The following BBS9 variants were observed in gnomAD, a reference collection of about 807,000 sequenced individuals.
BBS9 encodes protein PTHB1.
BBS9 carries 89 observed loss-of-function variants against 117.7 expected under a neutral mutation model. The observed-to-expected ratio is 0.76, with a 90% CI of 0.64 to 0.90. The LOEUF is 0.90. BBS9 is among the 40% of genes least tolerant of loss of function. The probability of loss-of-function intolerance (pLI) is 0.00; values close to 1 mark genes in which losing one functional copy is unlikely to be tolerated. For missense variants in BBS9, 982 were observed against 1,042.2 expected (o/e 0.94, Z 0.80); for synonymous variants, 379 against 370.9 (o/e 1.02, Z -0.25).
intron 5 of BBS9, among the ~76,000 whole-genome samples, chr7:33,232,284 G>A (rs918176869): frequency 1.3e-5 from 2 of 151,694 alleles, no homozygotes; most frequent in South Asian, 2.1e-4. Flanking sequence ...AAATTATACA[G>A]GTAATCTATT....
chr7:33,547,532 T>A (rs1032723363), intron 21 of BBS9, among the ~76,000 whole-genome samples: 61 of 152,100 alleles, frequency 4.0e-4, no homozygotes, highest in Non-Finnish European at 6.5e-4. Flanking sequence ...ACATGAAAAA[T>A]TTTTTTTAAA....
Position 33,405,461 on chromosome 7 carries a change from A to C in BBS9, c.2115+17317A>C, listed in dbSNP as rs564684384. On this transcript the variant is annotated intron_variant, in intron 19 of 22. Coordinates refer to ENST00000242067, the MANE Select transcript of BBS9 (RefSeq NM_198428.3). The stretch of plus-strand genomic sequence containing the variant: ...TACCTCTGGTAGAATTCGGCTGTGA[A>C]TCCATCTGGTCGTGGACTCTTTTTG... 2.0e-3 allele frequency among the ~76,000 whole-genome samples: 306 copies of C among 152,180 alleles called. 6 individuals carry two copies. In the South Asian group the frequency reaches 0.038, roughly 19 times the overall value.
intron 21 of BBS9, among the ~76,000 whole-genome samples, chr7:33,536,529 G>A (rs1851394573): frequency 6.6e-6 from 1 of 152,046 alleles, no homozygotes; most frequent in Admixed American, 6.5e-5. Flanking sequence ...GAAATCTCTT[G>A]CCTTGGGGTT....
At chr7:33,471,550 A>T (rs180773458) in intron 19 of BBS9, among the ~76,000 whole-genome samples, 2 of 152,164 alleles carry the variant, frequency 1.3e-5, no homozygotes, top group African/African-American at 4.8e-5. Flanking sequence ...GAAATGCAGA[A>T]ACTAAGATCT....
chr7:33,592,699 C>A (rs900696463), intron 21 of BBS9, among the ~76,000 whole-genome samples: 8 of 152,058 alleles, frequency 5.3e-5, no homozygotes, highest in African/African-American at 1.9e-4. Context: ...ACCACCTAGA[C>A]TCTGTCATTA....
rs1168536842 is a variant in BBS9 at position 33,627,195 on chromosome 7, A to T, written c.2522-7982A>T. ...CCATTCCAGCCCCAGCTGTGGCTAA[A>T]AGGGTCCCAGATACATCTAGGCTGC... On this transcript the variant is annotated intron_variant, in intron 21 of 21. Transcript: ENST00000671952. Among the ~76,000 whole-genome samples the T allele has an allele frequency of 2.0e-5, 3 of 152,206 alleles. No homozygotes were observed. In the South Asian group the frequency reaches 6.2e-4, roughly 31 times the overall value.
chr7:33,521,360 T>A (rs919763730), intron 20 of BBS9, among the ~76,000 whole-genome samples: 4 of 152,218 alleles, frequency 2.6e-5, no homozygotes, highest in Non-Finnish European at 5.9e-5. Flanking sequence ...TTTTAGATTT[T>A]CATCCAATAG....
chr7:33,320,316 C>A (rs992296389), intron 9 of BBS9, among the ~76,000 whole-genome samples: 1 of 152,122 alleles, frequency 6.6e-6, no homozygotes, highest in Non-Finnish European at 1.5e-5. Context: ...ATTTTTAGCA[C>A]CCACAAATAA....
At chr7:33,370,093 T>A (rs1056193077) in intron 17 of BBS9, among the ~76,000 whole-genome samples, 2 of 152,130 alleles carry the variant, frequency 1.3e-5, no homozygotes, top group African/African-American at 4.8e-5. Flanking sequence ...AAGAGAAAAG[T>A]AAGGTGTAGC....
intron 19 of BBS9, among the ~76,000 whole-genome samples, chr7:33,479,454 A>G (rs190949759): frequency 2.6e-5 from 4 of 152,214 alleles, no homozygotes; most frequent in Non-Finnish European, 4.4e-5. Context: ...TTGTTTTTTT[A>G]TGGCTGCATA....
At chr7:33,192,999 G>C (rs989334756) in intron 5 of BBS9, among the ~76,000 whole-genome samples, 2 of 152,170 alleles carry the variant, frequency 1.3e-5, no homozygotes, top group Non-Finnish European at 2.9e-5. Context: ...ATGACGTTCA[G>C]ACCATAGCAA....
intron 18 of BBS9, among the ~76,000 whole-genome samples, chr7:33,384,713 TGTGAGAGAGAGA>T (rs1490570652): frequency 7.3e-6 from 1 of 136,306 alleles, no homozygotes; most frequent in East Asian, 1.9e-4. Context: ...TGTGTGTGTG[TGTGAGAGAGAGA>T]GAGAGAGAGA....
intron 9 of BBS9, among the ~76,000 whole-genome samples, chr7:33,317,847 C>A (rs989115794): frequency 6.6e-6 from 1 of 152,148 alleles, no homozygotes; most frequent in Non-Finnish European, 1.5e-5. Flanking sequence ...AAGCTAGGAA[C>A]TTAAGACCAG....
rs10716942 is a variant in BBS9 at position 33,478,875 on chromosome 7, G to GTT, written c.2116-26570_2116-26569dup. Among the ~76,000 whole-genome samples the GTT allele has an allele frequency of 5.4e-5, 7 of 130,160 alleles. 1 individual carries two copies. The highest frequency in any genetic ancestry group is 8.4e-5 in the African/African-American group (3 of 35,524). 85.4% of individuals were successfully genotyped at this position (130,160 alleles called of 152,430 possible). ...GGAGAAGTAAATATGATGTTAGTGGGTTTTTTTTTTTTTTTTTTTAGCAAT... is the reference window on the plus strand; with the variant it reads ...GGAGAAGTAAATATGATGTTAGTGGGTTTTTTTTTTTTTTTTTTTTTAGCAAT... On this transcript the variant is annotated intron_variant, in intron 19 of 22. Transcript: ENST00000242067.
At chr7:33,261,333 C>T (rs1291050032) in intron 6 of BBS9, among the ~76,000 whole-genome samples, 3 of 152,090 alleles carry the variant, frequency 2.0e-5, no homozygotes, top group South Asian at 4.1e-4. Flanking sequence ...ATTCTGTATC[C>T]CCTGAAGTGC....
chr7:33,137,380 A>G (rs941266327), intron 1 of BBS9, among the ~76,000 whole-genome samples: 2 of 152,084 alleles, frequency 1.3e-5, no homozygotes, highest in African/African-American at 4.8e-5. Context: ...GTAGCTGCAG[A>G]TGTGCCCAGG....
At chr7:33,535,937 C>G (rs562823243) in intron 21 of BBS9, among the ~76,000 whole-genome samples, 2 of 152,094 alleles carry the variant, frequency 1.3e-5, no homozygotes, top group African/African-American at 4.8e-5. Flanking sequence ...CAGGGATCCT[C>G]AAATCCCTGT....
At chr7:33,327,669 G>C (rs565380604) in intron 9 of BBS9, among the ~76,000 whole-genome samples, 4 of 152,298 alleles carry the variant, frequency 2.6e-5, no homozygotes, top group Non-Finnish European at 4.4e-5. Flanking sequence ...ACTCCAGCCT[G>C]AGTGACAGAG....
chr7:33,491,305 C>T (rs907619213), intron 19 of BBS9, among the ~76,000 whole-genome samples: 3 of 152,190 alleles, frequency 2.0e-5, no homozygotes, highest in Admixed American at 6.5e-5. Flanking sequence ...AAAGCTACCA[C>T]ATTAAATGTG....
Sources: gnomAD v4.1 joint callset for allele counts (sites outside exome capture counted in the v4.1 genomes callset) on GRCh38, gnomAD v4.1.1 for gene constraint, MANE v1.5 for transcripts, NCBI Gene and HGNC (gene_info 2026-07-23, HGNC 2026-07-21) for gene names.